Variants in SEMA3A observed in about 807,000 individuals in gnomAD.
The protein encoded by SEMA3A is semaphorin 3A, also known as semaphorin-3A.
SEMA3A carries 29 observed loss-of-function variants against 97.9 expected under a neutral mutation model. The ratio of observed to expected loss-of-function variants is 0.30; its 90% CI spans 0.22 to 0.40. SEMA3A has a LOEUF of 0.40. Ranked by LOEUF, SEMA3A falls within the 10% of genes least tolerant of loss-of-function variation. SEMA3A has a pLI of 1.00. For missense variants in SEMA3A, 763 were observed against 951.3 expected, an observed-to-expected ratio of 0.80 and a Z score of 2.60; for synonymous variants, 321 against 323.7, an observed-to-expected ratio of 0.99 and a Z score of 0.09.
At chr7:84,176,614 A>G (rs1485039029) in intron 1 of SEMA3A, among the ~76,000 whole-genome samples, 1 of 152,178 alleles carries the variant, frequency 6.6e-6, no homozygotes, top group Non-Finnish European at 1.5e-5. Context: ...ATAGTTTAAC[A>G]TCTAAAACTT....
At chr7:84,091,180 G>GAAAGAAAGAA (rs1411900799) in intron 4 of SEMA3A, among the ~76,000 whole-genome samples, 1 of 65,292 alleles carries the variant, frequency 1.5e-5, no homozygotes, top group Non-Finnish European at 3.4e-5. Context: ...AAGAAAGAAA[G>GAAAGAAAGAA]AAAGAAAGAA....
chr7:84,181,043 G>C (rs1797721473), intron 1 of SEMA3A, among the ~76,000 whole-genome samples: 1 of 151,952 alleles, frequency 6.6e-6, no homozygotes, highest in Admixed American at 6.6e-5. Context: ...AACAAAATAT[G>C]AACTTATGCT....
chr7:84,263,287 G>A (rs746270416), intron 3 of SEMA3A, among the ~76,000 whole-genome samples: 1 of 152,134 alleles, frequency 6.6e-6, no homozygotes, highest in Non-Finnish European at 1.5e-5. Context: ...GAATACTTGA[G>A]GTCTGGAAGT....
At chr7:84,199,610 G>A (rs1379409555), upstream of SEMA3A, among the ~76,000 whole-genome samples, 3 of 151,540 alleles carry the variant, frequency 2.0e-5, no homozygotes, top group Non-Finnish European at 2.9e-5. Context: ...ATTTGAGAAA[G>A]GCTTACAATC....
intron 1 of SEMA3A, among the ~76,000 whole-genome samples, chr7:84,161,702 G>C (rs1394197913): frequency 6.6e-6 from 1 of 152,148 alleles, no homozygotes; most frequent in Non-Finnish European, 1.5e-5. Flanking sequence ...AACTGGTACA[G>C]AGCAGACACA....
chr7:84,393,328 C>A (rs997259435), intron 1 of SEMA3A, among the ~76,000 whole-genome samples: 1 of 152,004 alleles, frequency 6.6e-6, no homozygotes, highest in Non-Finnish European at 1.5e-5. Context: ...TTCTTGGGAA[C>A]TTTGTTGAAA....
At chr7:84,344,501 T>C (rs1316090935) in intron 2 of SEMA3A, among the ~76,000 whole-genome samples, 3 of 152,112 alleles carry the variant, frequency 2.0e-5, no homozygotes, top group Non-Finnish European at 2.9e-5. Flanking sequence ...GTTGAGGATA[T>C]AGGACTAAGT....
chr7:84,368,042 G>T (rs1802893957), intron 2 of SEMA3A, among the ~76,000 whole-genome samples: 1 of 151,118 alleles, frequency 6.6e-6, no homozygotes, highest in South Asian at 2.1e-4. Flanking sequence ...GTTGTAACTT[G>T]AGTATATAAG....
intron 1 of SEMA3A, among the ~76,000 whole-genome samples, chr7:84,397,968 C>T (rs139188119): frequency 7.9e-5 from 12 of 152,228 alleles, no homozygotes; most frequent in Middle Eastern, 3.4e-3. Context: ...CAAAATATTA[C>T]TTCCTCTTTG....
At position 84,014,326 on chromosome 7, in the gene SEMA3A, G is replaced by A. The variant is rs766125455; in HGVS notation, c.693C>T (p.Leu231=). The A allele has an allele frequency of 5.6e-6, 9 of 1,611,376 alleles. No individual in the cohort carries two copies. The highest frequency in any genetic ancestry group is 7.6e-6 in the Non-Finnish European group (9 of 1,178,268). Residue 231 remains leucine, a synonymous_variant, in exon 7 of 17, where the codon CTC becomes CTT. Transcript: ENST00000265362. The part of the protein sequence containing the change: ...LNDPKFISAH[L]ISESDNPEDD... Reference sequence around the variant, plus strand: ...CTTCAGGATTGTCACTCTCTGAGATGAGGTGGGCACTAATGAACTTTGGAT... The same window carrying A: ...CTTCAGGATTGTCACTCTCTGAGATAAGGTGGGCACTAATGAACTTTGGAT...
chr7:84,346,509 C>T (rs974184742), intron 2 of SEMA3A, among the ~76,000 whole-genome samples: 2 of 152,056 alleles, frequency 1.3e-5, no homozygotes, highest in African/African-American at 2.4e-5. Context: ...TAGAGGCCAT[C>T]GTCAGGCTAT....
Position 84,305,125 on chromosome 7 carries a change from T to C in SEMA3A, c.-83+2082A>G, listed in dbSNP as rs111842789. Among the ~76,000 whole-genome samples, 5 of 151,848 alleles carry C rather than the reference T, an allele frequency of 3.3e-5. 1 individual carries two copies. The highest frequency in any genetic ancestry group is 1.2e-4 in the African/African-American group (5 of 41,484). The stretch of plus-strand genomic sequence containing the variant: ...TTGCTTAAGCAAATAAGTTATTTAC[T>C]GACAGAATTAGACAAGAAAAATATA... On this transcript the variant is annotated intron_variant, in intron 3 of 3. Coordinates refer to the SEMA3A transcript ENST00000424555.
intron 1 of SEMA3A, among the ~76,000 whole-genome samples, chr7:84,412,090 G>T (rs143586393): frequency 1.3e-5 from 2 of 152,212 alleles, no homozygotes; most frequent in Non-Finnish European, 2.9e-5. Context: ...TGCCATTTAT[G>T]ACAGCTCAAA....
intron 12 of SEMA3A, among the ~76,000 whole-genome samples, chr7:83,996,578 G>T (rs543416191): frequency 1.7e-4 from 26 of 152,180 alleles, no homozygotes; most frequent in African/African-American, 6.0e-4. Context: ...TGGGATTAGA[G>T]GTGTGAGCCA....
At chr7:84,320,774 T>C (rs1332857518) in intron 2 of SEMA3A, among the ~76,000 whole-genome samples, 1 of 152,160 alleles carries the variant, frequency 6.6e-6, no homozygotes, top group Non-Finnish European at 1.5e-5. Context: ...GAGCAGGAGA[T>C]TTGAAATCAC....
intron 12 of SEMA3A, among the ~76,000 whole-genome samples, chr7:83,994,652 T>C (rs1790128504): frequency 6.8e-6 from 1 of 147,470 alleles, no homozygotes; most frequent in Non-Finnish European, 1.5e-5. Flanking sequence ...AGGGACCCAC[T>C]TGAGGAGGCA....
chr7:84,321,027 T>G (rs1353499383), intron 2 of SEMA3A, among the ~76,000 whole-genome samples: 1 of 152,218 alleles, frequency 6.6e-6, no homozygotes, highest in East Asian at 1.9e-4. Flanking sequence ...ATTTCATTCT[T>G]TCTTGTTGAC....
chr7:84,184,840 G>C (rs934879604), intron 1 of SEMA3A, among the ~76,000 whole-genome samples: 1 of 152,154 alleles, frequency 6.6e-6, no homozygotes, highest in East Asian at 1.9e-4. Context: ...GCAGAAAGGA[G>C]ACTCTTGGTA....
At chr7:84,317,962 A>G in intron 2 of SEMA3A, among the ~76,000 whole-genome samples, 1 of 152,192 alleles carries the variant, frequency 6.6e-6, no homozygotes, top group Non-Finnish European at 1.5e-5. Flanking sequence ...CATGAATAAT[A>G]AAATAAGCAA....
Sources: gnomAD v4.1 joint callset for allele counts (sites outside exome capture counted in the v4.1 genomes callset) on GRCh38, gnomAD v4.1.1 for gene constraint, MANE v1.5 for transcripts, NCBI Gene and HGNC (gene_info 2026-07-23, HGNC 2026-07-21) for gene names.